Variants in GRID2 observed in about 807,000 individuals in gnomAD.
The protein encoded by GRID2 is glutamate ionotropic receptor delta type subunit 2, also known as glutamate receptor ionotropic, delta-2.
In GRID2, 33 loss-of-function variants were observed where a neutral mutation model predicts 114.8. The observed-to-expected ratio is 0.29, with a 90% CI of 0.22 to 0.38. The LOEUF is 0.38. Among genes scored for constraint, GRID2 ranks in the 10% least tolerant of loss-of-function variants. The pLI is 1.00. For missense variants in GRID2, 1,184 were observed against 1,257.7 expected, an observed-to-expected ratio of 0.94 and a Z score of 0.89; for synonymous variants, 505 against 449.9, an observed-to-expected ratio of 1.12 and a Z score of -1.55.
At chr4:92,783,482 A>C (rs1290739439) in intron 2 of GRID2, among the ~76,000 whole-genome samples, 1 of 152,106 alleles carries the variant, frequency 6.6e-6, no homozygotes, top group African/African-American at 2.4e-5. Flanking sequence ...TGAATTTTTT[A>C]TGTGAATTAA....
At chr4:92,332,288 G>C (rs144154585) in intron 1 of GRID2, among the ~76,000 whole-genome samples, 21 of 152,134 alleles carry the variant, frequency 1.4e-4, no homozygotes, top group African/African-American at 4.6e-4. Flanking sequence ...AAGGGAAACA[G>C]GGCATTCGTG....
intron 11 of GRID2, among the ~76,000 whole-genome samples, chr4:93,485,169 A>C (rs1355262845): frequency 2.0e-5 from 3 of 151,676 alleles, no homozygotes; most frequent in Admixed American, 2.0e-4. Context: ...AGTTAATAAG[A>C]TTGCTACCTT....
intron 1 of GRID2, among the ~76,000 whole-genome samples, chr4:92,408,260 G>A (rs1731119071): frequency 6.6e-6 from 1 of 151,836 alleles, no homozygotes; most frequent in South Asian, 2.1e-4. Flanking sequence ...TTTTAGGTAT[G>A]TGGGTTTATT....
chr4:93,599,527 C>A lies in GRID2; in HGVS notation c.2194-26742C>A, dbSNP rs140138393. Among the ~76,000 whole-genome samples, 587 of 152,282 alleles carry A rather than the reference C, an allele frequency of 3.9e-3. 1 individual carries two copies. The highest frequency in any genetic ancestry group is 0.014 in the African/African-American group (563 of 41,552). On this transcript the variant is annotated intron_variant, in intron 13 of 15. Transcript: ENST00000282020. ...AAGTAAATTTCACTTCCAAATGTGT[C>A]ATTTCAGTTTGAGATAAAATAATCC...
rs199750467 is a variant in GRID2 at position 92,427,089 on chromosome 4, G to GTT, written c.88+122347_88+122348dup. On this transcript the variant is annotated intron_variant, in intron 1 of 15. Transcript: ENST00000282020. ...TGGACTTGAATTCAGGCTTTTATGT[G>GTT]TTTGTTCTATTTTTGGCTTAATGTC... Among the ~76,000 whole-genome samples, 1,335 of 152,194 alleles carry GTT rather than the reference G, an allele frequency of 8.8e-3. 22 individuals are homozygous for GTT. The highest frequency in any genetic ancestry group is 0.031 in the African/African-American group (1,269 of 41,542).
intron 1 of GRID2, among the ~76,000 whole-genome samples, chr4:92,472,929 A>AT (rs1251754058): frequency 2.0e-5 from 3 of 151,934 alleles, no homozygotes; most frequent in Non-Finnish European, 4.4e-5. Context: ...AGTCCATTTC[A>AT]TTTTTTATGG....
chr4:92,634,114 C>CAAAA lies in GRID2; in HGVS notation c.244+43836_244+43839dup, dbSNP rs748692047. ...CTAATGAGCTAGAAAACAAAAATTGCAAAAAAAAAAACAACAAAAAACAAA... is the reference window on the plus strand; with the variant it reads ...CTAATGAGCTAGAAAACAAAAATTGCAAAAAAAAAAAAAAACAACAAAAAACAAA... On this transcript the variant is annotated intron_variant, in intron 2 of 15. Coordinates refer to ENST00000282020, the MANE Select transcript of GRID2 (RefSeq NM_001510.4). 1.3e-3 allele frequency among the ~76,000 whole-genome samples: 171 copies of CAAAA among 134,428 alleles called. 1 individual carries two copies. The highest frequency in any genetic ancestry group is 6.2e-3 in the East Asian group (29 of 4,644). The allele number at this position is 134,428 out of a possible 152,430, so 88.2% of individuals were successfully genotyped here. A position where few individuals can be genotyped will look rare whatever the true frequency, so the allele number is the denominator to read the frequency against.
chr4:93,723,203 A>G (rs959003316), intron 14 of GRID2, among the ~76,000 whole-genome samples: 13 of 152,338 alleles, frequency 8.5e-5, no homozygotes, highest in Admixed American at 6.5e-4. Flanking sequence ...ATCCTATGCT[A>G]TTACGGTCAG....
intron 4 of GRID2, among the ~76,000 whole-genome samples, chr4:93,162,013 A>G (rs1373090325): frequency 6.6e-6 from 1 of 151,806 alleles, no homozygotes; most frequent in African/African-American, 2.4e-5. Context: ...TGATCTCCCT[A>G]ACATTTCCAG....
intron 2 of GRID2, among the ~76,000 whole-genome samples, chr4:92,981,209 A>ATG (rs1298595144): frequency 6.6e-6 from 1 of 152,034 alleles, no homozygotes; most frequent in East Asian, 1.9e-4. Flanking sequence ...ACCTATATAT[A>ATG]TGTGTGTGTG....
At chr4:93,190,806 CT>C (rs955118149) in intron 4 of GRID2, among the ~76,000 whole-genome samples, 8 of 151,906 alleles carry the variant, frequency 5.3e-5, no homozygotes, top group African/African-American at 1.9e-4. Flanking sequence ...TGTTTTGGGT[CT>C]TTGACATAAT....
chr4:92,675,342 T>C lies in GRID2; in HGVS notation c.244+85056T>C, dbSNP rs569046276. On this transcript the variant is annotated intron_variant, in intron 2 of 15. Transcript: ENST00000282020. ...TCATGCCTATGGTTTCTGACTGAAA[T>C]TGGCCAACAATTCAAAATTCAAAAA... Among the ~76,000 whole-genome samples, 10 of 152,224 alleles carry C rather than the reference T, an allele frequency of 6.6e-5. No homozygotes were observed. In the South Asian group the frequency reaches 2.1e-3, roughly 32 times the overall value.
At chr4:92,906,539 G>A (rs758124415) in intron 2 of GRID2, among the ~76,000 whole-genome samples, 1 of 151,256 alleles carries the variant, frequency 6.6e-6, no homozygotes, top group Admixed American at 6.6e-5. Flanking sequence ...TGGCCTCTGT[G>A]CCCCTTTAGT....
chr4:92,461,195 C>T (rs1017762594), intron 1 of GRID2, among the ~76,000 whole-genome samples: 1 of 151,140 alleles, frequency 6.6e-6, no homozygotes, highest in African/African-American at 2.4e-5. Flanking sequence ...TCAAGTATAC[C>T]CATTAAACTT....
At chr4:92,583,461 T>C (rs1171967075) in intron 1 of GRID2, among the ~76,000 whole-genome samples, 2 of 151,926 alleles carry the variant, frequency 1.3e-5, no homozygotes, top group African/African-American at 2.4e-5. Flanking sequence ...TTAGATAAGA[T>C]GAACTGAGAA....
chr4:92,544,818 T>A (rs574620119), intron 1 of GRID2, among the ~76,000 whole-genome samples: 31 of 152,276 alleles, frequency 2.0e-4, no homozygotes, highest in South Asian at 4.2e-4. Flanking sequence ...CGTAGTCCTC[T>A]TGACTTTATT....
At chr4:93,758,259 C>T (rs1464160262) in intron 14 of GRID2, among the ~76,000 whole-genome samples, 2 of 152,074 alleles carry the variant, frequency 1.3e-5, no homozygotes, top group South Asian at 4.1e-4. Flanking sequence ...GTGGGTAAAA[C>T]AGTAATGTTA....
At chr4:92,362,029 T>A (rs1488688422) in intron 1 of GRID2, among the ~76,000 whole-genome samples, 3 of 151,882 alleles carry the variant, frequency 2.0e-5, no homozygotes, top group Non-Finnish European at 4.4e-5. Context: ...CAAACCCAGA[T>A]GGAAAAATAT....
At chr4:92,629,985 T>C (rs375444297) in intron 2 of GRID2, among the ~76,000 whole-genome samples, 5 of 150,692 alleles carry the variant, frequency 3.3e-5, no homozygotes, top group African/African-American at 7.3e-5. Context: ...GCAATGCTTA[T>C]AGGAATCCAT....
Sources: allele counts gnomAD v4.1 joint callset (sites outside exome capture counted in the v4.1 genomes callset), GRCh38; gene constraint gnomAD v4.1.1; transcripts MANE v1.5; gene names NCBI Gene and HGNC (gene_info 2026-07-23, HGNC 2026-07-21).